Variants in PDS5B observed in about 807,000 individuals in gnomAD.
PDS5B encodes the protein sister chromatid cohesion protein PDS5 homolog B.
PDS5B carries 51 observed loss-of-function variants against 184.1 expected under a neutral mutation model. The observed-to-expected ratio is 0.28, with a 90% CI of 0.22 to 0.35. The LOEUF is 0.35. Among genes scored for constraint, PDS5B ranks in the 10% least tolerant of loss-of-function variants. The probability of loss-of-function intolerance (pLI) is 1.00; values close to 1 mark genes in which losing one functional copy is unlikely to be tolerated. For missense variants in PDS5B, 1,180 were observed against 1,723.3 expected (o/e 0.68, Z 5.58); for synonymous variants, 566 against 569.2 (o/e 0.99, Z 0.08).
chr13:32,674,922 T>G (rs941607941), intron 8 of PDS5B, among the ~76,000 whole-genome samples: 2 of 137,876 alleles, frequency 1.5e-5, no homozygotes, highest in East Asian at 2.1e-4. Context: ...GGAATAGAGG[T>G]TTTTTTTTTT....
intron 19 of PDS5B, among the ~76,000 whole-genome samples, chr13:32,713,744 C>A (rs181287536): frequency 1.3e-5 from 2 of 152,106 alleles, no homozygotes; most frequent in East Asian, 3.9e-4. Flanking sequence ...GGAAAATATT[C>A]AAGAAAATAA....
intron 1 of PDS5B, among the ~76,000 whole-genome samples, chr13:32,625,152 T>G (rs1351962718): frequency 1.3e-5 from 2 of 152,204 alleles, no homozygotes; most frequent in Non-Finnish European, 2.9e-5. Context: ...GATCTCACTC[T>G]GTAGCCCAGG....
intron 17 of PDS5B, among the ~76,000 whole-genome samples, chr13:32,705,520 G>C (rs148398483): frequency 4.6e-5 from 7 of 152,094 alleles, no homozygotes; most frequent in Admixed American, 1.3e-4. Flanking sequence ...TAATATTTTC[G>C]TAGAAGCATA....
chr13:32,715,620 T>C (rs1019834964), intron 19 of PDS5B, among the ~76,000 whole-genome samples: 1 of 150,924 alleles, frequency 6.6e-6, no homozygotes, highest in Non-Finnish European at 1.5e-5. Flanking sequence ...AAACCACCAG[T>C]GTAGCTCTCC....
intron 33 of PDS5B, 33 bp from the exon 34 acceptor site, chr13:32,773,156 C>T (rs375697980): frequency 8.4e-6 from 13 of 1,546,290 alleles, no homozygotes; most frequent in African/African-American, 2.8e-5. Context: ...AAGATTGGAA[C>T]GTTCATTGTG....
chr13:32,667,772 C>T lies in PDS5B; in HGVS notation c.633C>T (p.Asn211=). Residue 211 remains asparagine, a synonymous_variant, in exon 7 of 35, where the codon AAC becomes AAT. Coordinates refer to ENST00000315596, the MANE Select transcript of PDS5B (RefSeq NM_015032.4). ...TTGTTTATGTTTTTCAGAATTTAAA[C>T]AAGCAAGCATATGATTTGGCAAAGG... ...VNLVPAHKNL[N]KQAYDLAKAL... The T allele has an allele frequency of 6.3e-7, 1 of 1,586,344 alleles. No individual in the cohort carries two copies. The highest frequency in any genetic ancestry group is 8.6e-7 in the Non-Finnish European group (1 of 1,166,714).
chr13:32,728,859 T>A (rs938487797), intron 19 of PDS5B, among the ~76,000 whole-genome samples: 1 of 152,200 alleles, frequency 6.6e-6, no homozygotes, highest in Non-Finnish European at 1.5e-5. Flanking sequence ...AGTCCTCTTG[T>A]TATAGTTTTT....
At chr13:32,631,058 G>A (rs559053384) in intron 1 of PDS5B, among the ~76,000 whole-genome samples, 6 of 150,430 alleles carry the variant, frequency 4.0e-5, no homozygotes, top group African/African-American at 1.5e-4. Flanking sequence ...CTTCCAAAGT[G>A]TTGGGATTAC....
rs1417029125 is a variant in PDS5B at position 32,732,374 on chromosome 13, TAAAATATG to T, written c.2247+158_2247+165del. The T allele has an allele frequency of 1.8e-5, 11 of 608,326 alleles. No homozygotes were observed. In the East Asian group the frequency reaches 3.4e-4, roughly 19 times the overall value. The allele number at this position is 608,326 out of a possible 1,614,324, so 37.7% of individuals were successfully genotyped here. On this transcript the variant is annotated intron_variant, in intron 20 of 34. Coordinates refer to ENST00000315596, the MANE Select transcript of PDS5B (RefSeq NM_015032.4). ...CAGTAAAATCAACATTGATAAGTGT[TAAAATATG>T]AAAATATCTGAGTATTCAAATGTTT... is the stretch of plus-strand genomic sequence containing the variant.
At chr13:32,707,779 G>C (rs778373670) in intron 18 of PDS5B, among the ~76,000 whole-genome samples, 2 of 150,282 alleles carry the variant, frequency 1.3e-5, no homozygotes, top group Non-Finnish European at 3.0e-5. Context: ...ACCATGCCTA[G>C]CTCATAGTAA....
intron 31 of PDS5B, among the ~76,000 whole-genome samples, chr13:32,768,947 CAAAAAAA>C (rs770324221): frequency 1.2e-3 from 102 of 84,522 alleles, no homozygotes; most frequent in Middle Eastern, 6.3e-3. Context: ...TAAAAAAATA[CAAAAAAA>C]AAAAAAAAAA....
chr13:32,639,351 G>A (rs189617194), intron 1 of PDS5B, among the ~76,000 whole-genome samples: 1 of 152,110 alleles, frequency 6.6e-6, no homozygotes, highest in Non-Finnish European at 1.5e-5. Context: ...TCAAAGAAAG[G>A]GTCCAGTTTC....
chr13:32,777,352 T>TTTC lies in PDS5B; in HGVS notation c.*2302_*2303insCTT, dbSNP rs1257919194. 3.7e-4 allele frequency: 17 copies of TTTC among 45,658 alleles called. No individual in the cohort carries two copies. The highest frequency in any genetic ancestry group is 5.1e-4 in the Non-Finnish European group (10 of 19,474). The allele number at this position is 45,658 out of a possible 1,614,324, so 2.8% of individuals were successfully genotyped here. A position where few individuals can be genotyped will look rare whatever the true frequency, so the allele number is the denominator to read the frequency against. ...TGTAAATTTTTCTTTTCTTTCTTTC[T>TTTC]TTTTTTTTTTTTTTGTGTAGAAAAA... On this transcript the variant is annotated 3_prime_UTR_variant, in exon 35 of 35. Coordinates refer to ENST00000315596, the MANE Select transcript of PDS5B (RefSeq NM_015032.4).
chr13:32,747,763 CTGTT>C (rs1953808766), intron 24 of PDS5B, among the ~76,000 whole-genome samples: 1 of 152,164 alleles, frequency 6.6e-6, no homozygotes, highest in African/African-American at 2.4e-5. Flanking sequence ...GACCTGCAGT[CTGTT>C]TGTCAGGTTC....
chr13:32,703,784 G>A (rs565540301), intron 17 of PDS5B, among the ~76,000 whole-genome samples: 14 of 152,078 alleles, frequency 9.2e-5, no homozygotes, highest in Non-Finnish European at 1.3e-4. Flanking sequence ...CATTTTATAG[G>A]TGAATGAAGA....
rs762964326 is a variant in PDS5B, at chr13:32,758,091, C to G, written c.3061C>G (p.Leu1021Val). 6 of 1,092,434 alleles carry G rather than the reference C, an allele frequency of 5.5e-6. No homozygotes were observed. The highest frequency in any genetic ancestry group is 2.5e-5 in the South Asian group (1 of 40,070). The allele number at this position is 1,092,434 out of a possible 1,614,324, so 67.7% of individuals were successfully genotyped here. Residue 1021 changes from leucine (L) to valine (V), a missense_variant, in exon 27 of 35, where the codon CTT (leucine) becomes GTT (valine). Around this residue, in one of 11 missense-constraint regions of PDS5B, gnomAD observed 57 missense variants for 80.9 expected, o/e 0.70. Transcript: ENST00000315596. ...TTTCCTTTTTTTTTTTTTTAGATGTCTTTGGTTTGTTCTGGAAATATTAAT... is the reference window on the plus strand; with the variant it reads ...TTTCCTTTTTTTTTTTTTTAGATGTGTTTGGTTTGTTCTGGAAATATTAAT... ...IEQLKDVKEC[L>V]WFVLEILMAK...
chr13:32,699,670 C>T, intron 15 of PDS5B, 60 bp from the exon 16 acceptor site: 1 of 904,796 alleles, frequency 1.1e-6, no homozygotes, highest in Non-Finnish European at 1.5e-6. Flanking sequence ...AAATATTGAC[C>T]TATTATTATT....
intron 17 of PDS5B, among the ~76,000 whole-genome samples, chr13:32,705,872 G>C (rs2140883013): frequency 6.6e-6 from 1 of 152,096 alleles, no homozygotes; most frequent in Non-Finnish European, 1.5e-5. Context: ...TCGTTATGTT[G>C]CTCAGGCTGG....
chr13:32,643,840 T>G (rs780015803), intron 1 of PDS5B, among the ~76,000 whole-genome samples: 1 of 152,206 alleles, frequency 6.6e-6, no homozygotes, highest in Non-Finnish European at 1.5e-5. Context: ...TTTATTAGAA[T>G]GTATCCCATC....
Sources: allele counts gnomAD v4.1 joint callset (sites outside exome capture counted in the v4.1 genomes callset), GRCh38; gene constraint gnomAD v4.1.1; regional missense constraint gnomAD v4.1.1; transcripts MANE v1.5; gene names NCBI Gene and HGNC (gene_info 2026-07-23, HGNC 2026-07-21).